Variants in CDK8 observed in about 807,000 individuals in gnomAD.
CDK8 encodes the protein cyclin-dependent kinase 8.
Under a neutral mutation model 71.5 loss-of-function variants are expected in CDK8, and 29 were observed. The ratio of observed to expected loss-of-function variants is 0.41; its 90% CI spans 0.30 to 0.55. The LOEUF (loss-of-function observed/expected upper bound fraction) is 0.55. Ranked by LOEUF, CDK8 falls within the 20% of genes least tolerant of loss-of-function variation. The pLI, the probability that CDK8 is intolerant of heterozygous loss-of-function variation, is 0.37. For missense variants in CDK8, 288 were observed against 572.6 expected (o/e 0.50, Z 5.07); for synonymous variants, 161 against 192.1 (o/e 0.84, Z 1.34).
chr13:26,359,374 CAAT>C (rs1453293398), intron 4 of CDK8, among the ~76,000 whole-genome samples: 2 of 152,034 alleles, frequency 1.3e-5, no homozygotes, highest in Non-Finnish European at 2.9e-5. Context: ...TATTTTACCA[CAAT>C]AAAAGACATC....
chr13:26,354,552 C>T (rs1017489788), intron 4 of CDK8, among the ~76,000 whole-genome samples: 11 of 152,198 alleles, frequency 7.2e-5, no homozygotes, highest in Non-Finnish European at 5.9e-5. Context: ...AGGAGGTGAG[C>T]GGTGGGTGAG....
intron 1 of CDK8, among the ~76,000 whole-genome samples, chr13:26,303,066 A>T (rs1873892287): frequency 6.6e-6 from 1 of 151,760 alleles, no homozygotes; most frequent in South Asian, 2.1e-4. Flanking sequence ...TTTCTATTTT[A>T]TGTATGCAGG....
At chr13:26,350,569 G>C (rs1308763878) in intron 3 of CDK8, among the ~76,000 whole-genome samples, 1 of 152,132 alleles carries the variant, frequency 6.6e-6, no homozygotes, top group Non-Finnish European at 1.5e-5. Context: ...AGTGGGTCCT[G>C]TTTGCACTGT....
chr13:26,306,821 G>A (rs1173497377), intron 1 of CDK8, among the ~76,000 whole-genome samples: 1 of 151,994 alleles, frequency 6.6e-6, no homozygotes, highest in South Asian at 2.1e-4. Context: ...TAGAGACAGG[G>A]TTTCACCATG....
intron 4 of CDK8, among the ~76,000 whole-genome samples, chr13:26,358,361 AAAT>A (rs1179135316): frequency 6.6e-6 from 1 of 152,134 alleles, no homozygotes; most frequent in Non-Finnish European, 1.5e-5. Flanking sequence ...GCACAAGTTA[AAAT>A]AATGTGAGGT....
chr13:26,321,695 T>G (rs1874782973), intron 1 of CDK8, among the ~76,000 whole-genome samples: 1 of 152,154 alleles, frequency 6.6e-6, no homozygotes, highest in Non-Finnish European at 1.5e-5. Context: ...GGGCAGTCAG[T>G]GAGCTAAGTA....
At chr13:26,284,683 C>A (rs905021825) in intron 1 of CDK8, among the ~76,000 whole-genome samples, 1 of 152,106 alleles carries the variant, frequency 6.6e-6, no homozygotes, top group Non-Finnish European at 1.5e-5. Flanking sequence ...TAGATTCTAT[C>A]AGGCATTCAG....
chr13:26,296,599 T>C (rs1249171067), intron 1 of CDK8, among the ~76,000 whole-genome samples: 1 of 152,182 alleles, frequency 6.6e-6, no homozygotes, highest in East Asian at 1.9e-4. Context: ...AGATAACGAA[T>C]CCCTGATTAG....
chr13:26,283,465 GGGC>G (rs1872853779), intron 1 of CDK8, among the ~76,000 whole-genome samples: 1 of 151,070 alleles, frequency 6.6e-6, no homozygotes, highest in Non-Finnish European at 1.5e-5. Context: ...AAAATTAGCT[GGGC>G]GTGGTGGCAC....
At chr13:26,385,393 G>T (rs1243704415) in intron 6 of CDK8, 51 bp downstream of exon 6, 2 of 1,419,538 alleles carry the variant, frequency 1.4e-6, no homozygotes, top group African/African-American at 2.9e-5. Flanking sequence ...TTCTTTAAAA[G>T]ACACACATTC....
In CDK8 at chr13:26,404,333, T is replaced by G. The variant is rs1593317944; in HGVS notation, c.*252T>G. 2.2e-5 allele frequency: 9 copies of G among 413,880 alleles called. No homozygotes were observed. Among genetic ancestry groups the G allele is most frequent in the Non-Finnish European group, 4.0e-5 (9 of 226,056 alleles). 25.6% of individuals were successfully genotyped at this position (413,880 alleles called of 1,614,324 possible). ...GGATTTGCTACTTCCATAGTTTACTTGACATGGTTCAGACTGACCAATGCA... is the reference window on the plus strand; with the variant it reads ...GGATTTGCTACTTCCATAGTTTACTGGACATGGTTCAGACTGACCAATGCA... On this transcript the variant is annotated 3_prime_UTR_variant, in exon 13 of 13. Transcript: ENST00000381527.
intron 1 of CDK8, among the ~76,000 whole-genome samples, chr13:26,302,437 C>T (rs907831141): frequency 2.6e-5 from 4 of 152,066 alleles, no homozygotes; most frequent in Non-Finnish European, 2.9e-5. Context: ...TAAAAGTGTT[C>T]GCGATTCATT....
At chr13:26,284,862 GGGGGAGGGAGATT>G (rs1422378988) in intron 1 of CDK8, among the ~76,000 whole-genome samples, 1 of 151,726 alleles carries the variant, frequency 6.6e-6, no homozygotes, top group Admixed American at 6.6e-5. Flanking sequence ...GGCAGCAAGT[GGGGGAGGGAGATT>G]GGGGAGGGAG....
intron 2 of CDK8, among the ~76,000 whole-genome samples, chr13:26,339,752 A>ATATAT (rs1555231147): frequency 0.013 from 535 of 41,868 alleles, 3 homozygotes; most frequent in Middle Eastern, 0.03. Context: ...TTACTTAAAA[A>ATATAT]AAAAATATAT....
At chr13:26,332,662 G>T (rs1018657068) in intron 1 of CDK8, among the ~76,000 whole-genome samples, 2 of 152,076 alleles carry the variant, frequency 1.3e-5, no homozygotes, top group African/African-American at 2.4e-5. Context: ...TCCAGTTCTT[G>T]AAGGAAAGAT....
chr13:26,286,694 GAAAT>G (rs1157635895), intron 1 of CDK8, among the ~76,000 whole-genome samples: 1 of 152,122 alleles, frequency 6.6e-6, no homozygotes, highest in Non-Finnish European at 1.5e-5. Flanking sequence ...CACAGTAAAA[GAAAT>G]AATCAGCAGA....
intron 1 of CDK8, among the ~76,000 whole-genome samples, chr13:26,330,739 C>T (rs569550342): frequency 5.3e-5 from 8 of 152,228 alleles, no homozygotes; most frequent in African/African-American, 1.4e-4. Flanking sequence ...CCTCCAGTTT[C>T]GTCCATGTTG....
At chr13:26,300,649 G>A (rs1426209511) in intron 1 of CDK8, among the ~76,000 whole-genome samples, 4 of 152,118 alleles carry the variant, frequency 2.6e-5, no homozygotes, top group Non-Finnish European at 5.9e-5. Context: ...ACAAAAGGTC[G>A]TCCAGATATT....
chr13:26,403,041 T>C (rs1593316857), intron 12 of CDK8, among the ~76,000 whole-genome samples: 1 of 152,182 alleles, frequency 6.6e-6, no homozygotes, highest in African/African-American at 2.4e-5. Flanking sequence ...TGGGAGCAAA[T>C]AGTATGAGAG....
Sources: allele counts gnomAD v4.1 joint callset (sites outside exome capture counted in the v4.1 genomes callset), GRCh38; gene constraint gnomAD v4.1.1; transcripts MANE v1.5; gene names NCBI Gene and HGNC (gene_info 2026-07-23, HGNC 2026-07-21).